The following DOCK10 variants were observed in gnomAD, a reference collection of about 807,000 sequenced individuals.
The protein encoded by DOCK10 is dedicator of cytokinesis 10, also known as dedicator of cytokinesis protein 10.
Under a neutral mutation model 280.1 loss-of-function variants are expected in DOCK10, and 145 were observed. The observed-to-expected ratio is 0.52, with a 90% CI of 0.45 to 0.59. The LOEUF is 0.59. DOCK10 is among the 20% of genes least tolerant of loss of function. The probability of loss-of-function intolerance (pLI) is 0.00; values close to 1 mark genes in which losing one functional copy is unlikely to be tolerated. For missense variants in DOCK10, 2,368 were observed against 2,651.7 expected (o/e 0.89, Z 2.35); for synonymous variants, 915 against 942.2 (o/e 0.97, Z 0.53).
At chr2:224,943,903 A>AC (rs1246281575) in intron 1 of DOCK10, among the ~76,000 whole-genome samples, 2 of 151,748 alleles carry the variant, frequency 1.3e-5, no homozygotes, top group African/African-American at 4.8e-5. Context: ...AGCTGGGACT[A>AC]CAGGCACGTG....
intron 14 of DOCK10, among the ~76,000 whole-genome samples, chr2:224,857,350 G>A (rs1000355938): frequency 5.9e-5 from 9 of 152,192 alleles, no homozygotes; most frequent in African/African-American, 1.9e-4. Context: ...GCAGGACAGA[G>A]TCACTTCAAT....
intron 1 of DOCK10, among the ~76,000 whole-genome samples, chr2:224,945,672 T>C (rs1038909652): frequency 1.3e-5 from 2 of 151,292 alleles, no homozygotes; most frequent in Admixed American, 6.6e-5. Flanking sequence ...TATATGCATG[T>C]GTGTGCATAT....
chr2:224,803,318 C>T (rs1264821914), intron 39 of DOCK10, among the ~76,000 whole-genome samples: 1 of 151,912 alleles, frequency 6.6e-6, no homozygotes, highest in Non-Finnish European at 1.5e-5. Flanking sequence ...CACAAGGGGG[C>T]AATTTCAAAG....
chr2:225,026,329 C>A (rs1029814725), intron 1 of DOCK10, among the ~76,000 whole-genome samples: 4 of 152,126 alleles, frequency 2.6e-5, no homozygotes, highest in African/African-American at 9.7e-5. Context: ...TGTGTGTTCA[C>A]AAGATGCAGG....
At chr2:225,033,151 T>C (rs6711589) in intron 1 of DOCK10, among the ~76,000 whole-genome samples, 8,222 of 151,952 alleles carry the variant, frequency 0.054, 732 homozygotes, top group African/African-American at 0.19. Flanking sequence ...CACATTTAAG[T>C]TGCCCAAAAT....
intron 28 of DOCK10, among the ~76,000 whole-genome samples, chr2:224,822,955 T>C (rs1574883490): frequency 6.6e-6 from 1 of 151,966 alleles, no homozygotes; most frequent in Admixed American, 6.6e-5. Flanking sequence ...CTCAAATGGA[T>C]ACTTTTCTCT....
chr2:224,830,144 C>T (rs1250427382), intron 27 of DOCK10, among the ~76,000 whole-genome samples: 1 of 152,220 alleles, frequency 6.6e-6, no homozygotes, highest in African/African-American at 2.4e-5. Context: ...CTTCCCAGTG[C>T]AGGGTTCCTC....
At chr2:225,022,430 G>A (rs908967629) in intron 1 of DOCK10, among the ~76,000 whole-genome samples, 1 of 151,010 alleles carries the variant, frequency 6.6e-6, no homozygotes, top group African/African-American at 2.4e-5. Flanking sequence ...CAATACAATC[G>A]GGCTCCACAA....
intron 3 of DOCK10, among the ~76,000 whole-genome samples, chr2:224,915,374 T>C (rs1029443672): frequency 2.0e-5 from 3 of 152,218 alleles, no homozygotes; most frequent in African/African-American, 7.2e-5. Flanking sequence ...TTCTCAGATA[T>C]CCTGATGTTA....
intron 2 of DOCK10, among the ~76,000 whole-genome samples, chr2:224,930,197 C>T (rs1302622167): frequency 5.0e-5 from 5 of 100,826 alleles, no homozygotes; most frequent in Admixed American, 2.6e-4. Context: ...GAGTGACACT[C>T]GGTAAAAAAA....
intron 13 of DOCK10, 46 bp downstream of exon 13, chr2:224,864,507 T>A (rs1344556634): frequency 8.8e-7 from 1 of 1,134,480 alleles, no homozygotes; most frequent in Non-Finnish European, 1.2e-6. Flanking sequence ...GAGACTCTAT[T>A]AAAAAAAAAA....
At chr2:224,953,868 C>A (rs1459903856) in intron 1 of DOCK10, among the ~76,000 whole-genome samples, 2 of 151,942 alleles carry the variant, frequency 1.3e-5, no homozygotes, top group Non-Finnish European at 2.9e-5. Context: ...TGTAGATGAG[C>A]CAACAATAAC....
intron 1 of DOCK10, among the ~76,000 whole-genome samples, chr2:224,990,560 G>A (rs115447905): frequency 0.02 from 2,975 of 152,216 alleles, 92 homozygotes; most frequent in African/African-American, 0.068. Context: ...AACACTGCTT[G>A]TTTTCTCCCC....
chr2:224,946,932 A>C, intron 1 of DOCK10: 1 of 1,542,726 alleles, frequency 6.5e-7, no homozygotes, highest in Middle Eastern at 1.7e-4. Context: ...CCGTTTAAAA[A>C]CCTTCCCTCG....
At chr2:224,862,800 C>T (rs1177746670) in intron 13 of DOCK10, 54 bp from the exon 14 acceptor site, 9 of 1,061,268 alleles carry the variant, frequency 8.5e-6, no homozygotes, top group Non-Finnish European at 9.4e-6. Context: ...ATAAACTGTA[C>T]ATATAAAATA....
intron 31 of DOCK10, among the ~76,000 whole-genome samples, chr2:224,809,494 A>G (rs974447361): frequency 2.6e-5 from 4 of 152,162 alleles, no homozygotes; most frequent in Admixed American, 2.6e-4. Context: ...ATACAACATA[A>G]TAGCAACAAA....
chr2:224,813,510 C>G (rs1442531798), intron 31 of DOCK10, among the ~76,000 whole-genome samples: 1 of 152,122 alleles, frequency 6.6e-6, no homozygotes, highest in Admixed American at 6.6e-5. Flanking sequence ...TCAATTTTAC[C>G]TCAATAAGGC....
At chr2:224,920,769 C>A (rs1701658765) in intron 2 of DOCK10, among the ~76,000 whole-genome samples, 1 of 151,802 alleles carries the variant, frequency 6.6e-6, no homozygotes, top group African/African-American at 2.4e-5. Context: ...GCTTTCTTGA[C>A]TTTTTAAAAA....
At chr2:224,898,726 G>A (rs1700130145) in intron 3 of DOCK10, among the ~76,000 whole-genome samples, 1 of 152,114 alleles carries the variant, frequency 6.6e-6, no homozygotes, top group South Asian at 2.1e-4. Flanking sequence ...ACAGGTGCCC[G>A]CCACCACGCC....
Sources: gnomAD v4.1 joint callset for allele counts (sites outside exome capture counted in the v4.1 genomes callset) on GRCh38, gnomAD v4.1.1 for gene constraint, MANE v1.5 for transcripts, NCBI Gene and HGNC (gene_info 2026-07-23, HGNC 2026-07-21) for gene names.